Variants in STK40 observed in about 807,000 individuals in gnomAD.
STK40 encodes the protein serine/threonine-protein kinase 40.
In STK40, 13 loss-of-function variants were observed where a neutral mutation model predicts 47.9. That is an observed-to-expected ratio of 0.27 (90% CI 0.18 to 0.43). The LOEUF (loss-of-function observed/expected upper bound fraction) is 0.43, where lower values mean the gene tolerates loss of function less well. Ranked by LOEUF, STK40 falls within the 20% of genes least tolerant of loss-of-function variation. STK40 has a pLI of 1.00. For synonymous variants in STK40, 225 were observed against 243.2 expected, an observed-to-expected ratio of 0.93 and a Z score of 0.69; for missense variants, 460 against 595.1, an observed-to-expected ratio of 0.77 and a Z score of 2.36.
At chr1:36,344,667 CG>C (rs1200466358) in intron 7 of STK40, among the ~76,000 whole-genome samples, 1 of 152,210 alleles carries the variant, frequency 6.6e-6, no homozygotes, top group Non-Finnish European at 1.5e-5. Context: ...CTTCACAGCC[CG>C]GATGACTACT....
chr1:36,346,009 T>TTTTTTTTC (rs1436531127), intron 7 of STK40, among the ~76,000 whole-genome samples: 15 of 122,030 alleles, frequency 1.2e-4, no homozygotes, highest in African/African-American at 5.3e-4. Context: ...TTTTTTTTTT[T>TTTTTTTTC]CCTGAGACAG....
At chr1:36,343,785 G>A in intron 9 of STK40, 75 bp downstream of exon 9, 2 of 1,509,362 alleles carry the variant, frequency 1.3e-6, no homozygotes, top group Non-Finnish European at 1.8e-6. Context: ...CTGACTACTG[G>A]CTGCTTTTCT....
chr1:36,349,823 T>G (rs1646734938), intron 6 of STK40, among the ~76,000 whole-genome samples: 1 of 152,124 alleles, frequency 6.6e-6, no homozygotes. Flanking sequence ...CCTGGCCCAC[T>G]GGGGCAGGCA....
Position 36,343,447 on chromosome 1 carries a change from G to C in STK40, c.1006C>G (p.Gln336Glu), listed in dbSNP as rs1366354524. 6.2e-7 allele frequency: 1 copy of C among 1,612,778 alleles called. No homozygotes were observed. The highest frequency in any genetic ancestry group is 2.2e-5 in the East Asian group (1 of 44,874). The change falls in exon 10 of 11, where the codon CAG becomes GAG. Residue 336 changes from glutamine (Q) to glutamate (E), a missense_variant and splice_region_variant. Gln to Glu is a conservative substitution (Grantham distance 29, BLOSUM62 2). This residue lies in a region of STK40 where 181 missense variants were observed against 218.9 expected (regional missense o/e 0.83). Transcript: ENST00000373132. Reference protein sequence around the residue: ...EALSAIIASWQSLSSLSGPLQ... With the variant: ...EALSAIIASWESLSSLSGPLQ... Reference sequence around the variant, plus strand: ...GGCCCACTCAGAGATGACAGGGACTGCCTGCAGGGAGGCAGACAGGTCAGG... The same window carrying C: ...GGCCCACTCAGAGATGACAGGGACTCCCTGCAGGGAGGCAGACAGGTCAGG...
chr1:36,371,945 C>T (rs947907469), intron 1 of STK40, among the ~76,000 whole-genome samples: 15 of 143,088 alleles, frequency 1.0e-4, no homozygotes, highest in Non-Finnish European at 1.8e-4. Context: ...TGCAGTGAGC[C>T]GAGATCACGC....
Position 36,341,696 on chromosome 1 carries a change from A to C in STK40, c.*59T>G. ...ACTACAGGGCCCAGCCCTGACAGCC[A>C]CGCCTTTGGCTGGGGCTGGAAGAAG... On this transcript the variant is annotated 3_prime_UTR_variant, in exon 11 of 11. Transcript: ENST00000373132. 5.0e-6 allele frequency: 8 copies of C among 1,588,950 alleles called. No homozygotes were observed. Among genetic ancestry groups the C allele is most frequent in the Non-Finnish European group, 6.9e-6 (8 of 1,162,692 alleles).
At chr1:36,369,167 G>C (rs185832201) in intron 1 of STK40, among the ~76,000 whole-genome samples, 2 of 152,178 alleles carry the variant, frequency 1.3e-5, no homozygotes, top group South Asian at 2.1e-4. Flanking sequence ...AATTGGTTGG[G>C]GGGGCGGGGC....
intron 7 of STK40, among the ~76,000 whole-genome samples, chr1:36,345,983 A>ATTTTTTTT (rs1242799312): frequency 1.0e-4 from 1 of 9,718 alleles, no homozygotes; most frequent in Non-Finnish European, 4.0e-4. Context: ...ATATATATAT[A>ATTTTTTTT]TATATATATT....
chr1:36,362,004 A>C (rs965022651), intron 1 of STK40, among the ~76,000 whole-genome samples: 4 of 152,102 alleles, frequency 2.6e-5, no homozygotes, highest in Admixed American at 2.0e-4. Flanking sequence ...TTCCCTCATA[A>C]ACTCAAACTT....
intron 1 of STK40, among the ~76,000 whole-genome samples, chr1:36,374,715 C>T (rs1646977345): frequency 1.3e-5 from 2 of 152,222 alleles, no homozygotes; most frequent in African/African-American, 4.8e-5. Context: ...AGCACCCTGG[C>T]TTAGGGATGT....
At chr1:36,353,955 G>C (rs1476155090) in intron 6 of STK40, among the ~76,000 whole-genome samples, 2 of 152,114 alleles carry the variant, frequency 1.3e-5, no homozygotes, top group Non-Finnish European at 2.9e-5. Context: ...GTAGAGATGG[G>C]GTCTTCATTA....
rs565874827 is a variant in STK40 at position 36,375,378 on chromosome 1, G to C, written c.-9+10345C>G. The stretch of plus-strand genomic sequence containing the variant: ...AAAAATTAGCTGGGCATGGTGGTGG[G>C]TGCCTATAATCCCAGCTACTCAGGA... On this transcript the variant is annotated intron_variant, in intron 1 of 10. Coordinates refer to ENST00000373132, the MANE Select transcript of STK40 (RefSeq NM_001282547.2). Among the ~76,000 whole-genome samples, 8 of 151,940 alleles carry C rather than the reference G, an allele frequency of 5.3e-5. No individual in the cohort carries two copies. In the East Asian group the frequency reaches 1.6e-3, roughly 30 times the overall value.
intron 1 of STK40, among the ~76,000 whole-genome samples, 159 bp downstream of exon 1, chr1:36,385,564 C>A (rs1288956250): frequency 6.6e-6 from 1 of 152,166 alleles, no homozygotes; most frequent in Non-Finnish European, 1.5e-5. Flanking sequence ...CGGGGAAGGG[C>A]AGAGCCCCAG....
chr1:36,363,250 T>C (rs1364834943), intron 1 of STK40, among the ~76,000 whole-genome samples: 2 of 151,862 alleles, frequency 1.3e-5, no homozygotes, highest in African/African-American at 4.8e-5. Flanking sequence ...TTGCATGAGC[T>C]GAGATGGCGC....
At chr1:36,367,247 G>A (rs1431903170) in intron 1 of STK40, among the ~76,000 whole-genome samples, 8 of 152,082 alleles carry the variant, frequency 5.3e-5, no homozygotes, top group African/African-American at 1.9e-4. Context: ...GAGGGGAGGA[G>A]GCCAGGAAAG....
intron 10 of STK40, 179 bp from the exon 11 acceptor site, chr1:36,342,152 C>T: frequency 3.2e-6 from 2 of 626,448 alleles, no homozygotes; most frequent in Admixed American, 2.9e-5. Context: ...TCCCTGACCC[C>T]CTCCAGCCAA....
In STK40 at chr1:36,355,190, C is replaced by T. The variant is rs779075558; in HGVS notation, c.570+16G>A. On this transcript the variant is annotated intron_variant, in intron 5 of 10. Transcript: ENST00000373132. ...TTTCTGTGGCCAGAAGGCGCAGCAG[C>T]AGGGTGTGGCCTCACCTGGTGCAGG... 3.1e-6 allele frequency: 5 copies of T among 1,611,928 alleles called. No homozygotes were observed. In the African/African-American group the frequency reaches 5.3e-5, roughly 17 times the overall value.
chr1:36,355,839 G>A (rs1406538522), intron 4 of STK40, among the ~76,000 whole-genome samples: 1 of 152,198 alleles, frequency 6.6e-6, no homozygotes, highest in African/African-American at 2.4e-5. Flanking sequence ...TATCTAAGAT[G>A]GCGGAAGTTA....
intron 1 of STK40, among the ~76,000 whole-genome samples, chr1:36,373,744 C>A (rs1281061787): frequency 6.6e-6 from 1 of 152,230 alleles, no homozygotes; most frequent in Non-Finnish European, 1.5e-5. Context: ...TTTTAAAACG[C>A]AGGACATGTA....
Sources: allele counts gnomAD v4.1 joint callset (sites outside exome capture counted in the v4.1 genomes callset), GRCh38; gene constraint gnomAD v4.1.1; regional missense constraint gnomAD v4.1.1; transcripts MANE v1.5; gene names NCBI Gene and HGNC (gene_info 2026-07-23, HGNC 2026-07-21).